GLCCI1: variants seen among roughly 807,000 people sequenced by gnomAD.
GLCCI1 encodes glucocorticoid-induced transcript 1 protein.
In GLCCI1, 24 loss-of-function variants were observed where a neutral mutation model predicts 52.2. The ratio of observed to expected loss-of-function variants is 0.46; its 90% CI spans 0.33 to 0.65. The LOEUF (loss-of-function observed/expected upper bound fraction) is 0.65. Among genes scored for constraint, GLCCI1 ranks in the 30% least tolerant of loss-of-function variants. The pLI is 0.02. For missense variants in GLCCI1, 704 were observed against 701.5 expected, an observed-to-expected ratio of 1.00 and a Z score of -0.04; for synonymous variants, 310 against 276.5, an observed-to-expected ratio of 1.12 and a Z score of -1.20.
intron 1 of GLCCI1, chr7:7,980,768 A>G (rs1364299621): frequency 5.8e-6 from 4 of 694,718 alleles, no homozygotes; most frequent in African/African-American, 1.8e-5. Context: ...ACCATACAGT[A>G]TTTGGTGAGG....
intron 6 of GLCCI1, among the ~76,000 whole-genome samples, chr7:8,084,244 G>A (rs144940349): frequency 8.5e-5 from 13 of 152,240 alleles, no homozygotes; most frequent in African/African-American, 2.9e-4. Context: ...TGAGGAAAAC[G>A]TGTTAGGTAG....
chr7:8,008,925 A>AT (rs1781207173), intron 2 of GLCCI1, among the ~76,000 whole-genome samples: 1 of 152,016 alleles, frequency 6.6e-6, no homozygotes, highest in African/African-American at 2.4e-5. Flanking sequence ...TCTGTTTGAA[A>AT]TTTTTATTAG....
At chr7:7,998,634 G>T (rs189509448) in intron 1 of GLCCI1, among the ~76,000 whole-genome samples, 1 of 152,248 alleles carries the variant, frequency 6.6e-6, no homozygotes, top group Non-Finnish European at 1.5e-5. Context: ...TTACTTTCTA[G>T]TGTTCCTAAG....
intron 1 of GLCCI1, among the ~76,000 whole-genome samples, chr7:7,973,413 C>CGTGT (rs57135358): frequency 0.037 from 5,509 of 147,652 alleles, 253 homozygotes; most frequent in African/African-American, 0.11. Context: ...TCTTTGTGTG[C>CGTGT]GTGTGTGTGT....
chr7:8,016,068 T>A (rs1280853150), intron 2 of GLCCI1, among the ~76,000 whole-genome samples: 1 of 152,228 alleles, frequency 6.6e-6, no homozygotes, highest in Non-Finnish European at 1.5e-5. Flanking sequence ...TATACATTGG[T>A]TCTCAACCTG....
At chr7:7,999,118 G>A (rs1464226586) in intron 1 of GLCCI1, among the ~76,000 whole-genome samples, 1 of 151,878 alleles carries the variant, frequency 6.6e-6, no homozygotes, top group Non-Finnish European at 1.5e-5. Flanking sequence ...TTCTGACAGA[G>A]TAGTTATAGA....
chr7:8,022,598 C>T, intron 3 of GLCCI1, 29 bp downstream of exon 3: 1 of 1,461,454 alleles, frequency 6.8e-7, no homozygotes, highest in Non-Finnish European at 9.3e-7. Flanking sequence ...CCGTCTGTAA[C>T]CTGTTTTGGT....
chr7:8,061,097 T>C (rs1330783826), intron 5 of GLCCI1, among the ~76,000 whole-genome samples: 1 of 150,168 alleles, frequency 6.7e-6, no homozygotes, highest in Non-Finnish European at 1.5e-5. Flanking sequence ...CATGTGCTAG[T>C]GATCTTTTTT....
intron 3 of GLCCI1, among the ~76,000 whole-genome samples, chr7:8,027,689 A>C (rs577146300): frequency 6.6e-6 from 1 of 152,176 alleles, no homozygotes; most frequent in Admixed American, 6.5e-5. Flanking sequence ...TGGATGAAAA[A>C]AAAAAAAGAG....
At chr7:8,064,992 T>A (rs1328393465) in intron 5 of GLCCI1, among the ~76,000 whole-genome samples, 1 of 152,162 alleles carries the variant, frequency 6.6e-6, no homozygotes, top group Non-Finnish European at 1.5e-5. Context: ...GCTGGGATTA[T>A]GAGCGTGAGC....
chr7:8,064,550 T>C (rs1245406353), intron 5 of GLCCI1, among the ~76,000 whole-genome samples: 1 of 152,172 alleles, frequency 6.6e-6, no homozygotes, highest in East Asian at 1.9e-4. Context: ...TCTAGCTGTG[T>C]TCTTCTTGCC....
intron 3 of GLCCI1, among the ~76,000 whole-genome samples, chr7:8,047,795 C>T (rs1251624437): frequency 6.6e-6 from 1 of 152,212 alleles, no homozygotes; most frequent in East Asian, 1.9e-4. Flanking sequence ...GACAGAAGTT[C>T]TTCTGCCCAT....
Position 8,086,799 on chromosome 7 carries a change from T to C in GLCCI1, c.*261T>C, listed in dbSNP as rs1326065435. ...GCATTTCATAGTATATTTGACAGAT[T>C]AGTACTGTGTCCTGTGTTTTGTTCC... On this transcript the variant is annotated 3_prime_UTR_variant, in exon 8 of 8. Coordinates refer to ENST00000223145, the MANE Select transcript of GLCCI1 (RefSeq NM_138426.4). This position sits in a 1 kb window ranked among gnomAD's most constrained non-coding sequence, Gnocchi z 4.4. 2.5e-6 allele frequency: 1 copy of C among 398,472 alleles called. No homozygotes were observed. Among genetic ancestry groups the C allele is most frequent in the Non-Finnish European group, 4.5e-6 (1 of 223,800 alleles). 24.7% of individuals were successfully genotyped at this position (398,472 alleles called of 1,614,324 possible).
chr7:8,022,461 T>C (rs1781516073), intron 2 of GLCCI1, 22 bp from the exon 3 acceptor site: 2 of 1,330,418 alleles, frequency 1.5e-6, no homozygotes, highest in East Asian at 2.9e-5. Context: ...TCTTATTTTA[T>C]TTATATATAT....
intron 7 of GLCCI1, among the ~76,000 whole-genome samples, chr7:8,085,389 T>G (rs1783083630): frequency 6.6e-6 from 1 of 152,234 alleles, no homozygotes; most frequent in South Asian, 2.1e-4. Context: ...GCCAGAAGAT[T>G]AGTCTCCTTC....
intron 6 of GLCCI1, among the ~76,000 whole-genome samples, chr7:8,071,879 A>C (rs1049074078): frequency 6.6e-6 from 1 of 152,218 alleles, no homozygotes; most frequent in Non-Finnish European, 1.5e-5. Flanking sequence ...AAATAGGTCA[A>C]TGGCAACAAA....
intron 1 of GLCCI1, among the ~76,000 whole-genome samples, chr7:7,992,051 CTT>C (rs1780848702): frequency 1.0e-5 from 1 of 98,712 alleles, no homozygotes; most frequent in Non-Finnish European, 2.2e-5. Flanking sequence ...TTTTTTCTTT[CTT>C]TCTTTCTTTC....
intron 1 of GLCCI1, chr7:7,982,010 C>A (rs992586184): frequency 1.2e-5 from 5 of 427,452 alleles, no homozygotes; most frequent in Non-Finnish European, 1.9e-5. Context: ...GGAGTTTGGT[C>A]ACTACGAAGA....
At position 7,973,990 on chromosome 7, in the gene GLCCI1, C is replaced by T. The variant is rs147686940; in HGVS notation, c.457+4183C>T. 6.3e-3 allele frequency among the ~76,000 whole-genome samples: 965 copies of T among 152,066 alleles called. 3 individuals are homozygous for T. The highest frequency in any genetic ancestry group is 0.01 in the Admixed American group (158 of 15,284). The stretch of plus-strand genomic sequence containing the variant: ...CAGGCTATTCTTGAAAATTAAGATC[C>T]TCCCTTTCCATTTTAAAATTAATTA... On this transcript the variant is annotated intron_variant, in intron 1 of 7. Transcript: ENST00000223145.
Sources: allele counts gnomAD v4.1 joint callset (sites outside exome capture counted in the v4.1 genomes callset), GRCh38; gene constraint gnomAD v4.1.1; non-coding constraint Gnocchi (gnomAD v3.1); transcripts MANE v1.5; gene names NCBI Gene and HGNC (gene_info 2026-07-23, HGNC 2026-07-21).